The following LRRC1 variants were observed in gnomAD, a reference collection of about 807,000 sequenced individuals.
LRRC1 encodes the protein leucine rich repeat containing 1, also known as leucine-rich repeat-containing protein 1.
In LRRC1, 28 loss-of-function variants were observed where a neutral mutation model predicts 69.9. The ratio of observed to expected loss-of-function variants is 0.40; its 90% CI spans 0.30 to 0.55. LRRC1 has a LOEUF of 0.55. Among genes scored for constraint, LRRC1 ranks in the 20% least tolerant of loss-of-function variants. The pLI is 0.47. For synonymous variants in LRRC1, 236 were observed against 240.2 expected (o/e 0.98, Z 0.16); for missense variants, 498 against 609.0 (o/e 0.82, Z 1.92).
intron 12 of LRRC1, among the ~76,000 whole-genome samples, chr6:53,920,230 A>G (rs892560405): frequency 6.6e-6 from 1 of 152,204 alleles, no homozygotes; most frequent in African/African-American, 2.4e-5. Context: ...TGTGTTACTG[A>G]GGAAAGTACT....
intron 2 of LRRC1, among the ~76,000 whole-genome samples, chr6:53,855,049 G>A (rs957732120): frequency 6.6e-5 from 10 of 152,220 alleles, no homozygotes; most frequent in Admixed American, 2.0e-4. Context: ...CAGACAGAGT[G>A]AAGAAAGAGG....
intron 10 of LRRC1, among the ~76,000 whole-genome samples, chr6:53,906,957 A>T (rs184787795): frequency 2.0e-5 from 3 of 152,328 alleles, no homozygotes; most frequent in Admixed American, 2.0e-4. Context: ...TCTCCCTCGG[A>T]TCACAGTTTG....
At chr6:53,823,384 C>T (rs181307172) in intron 1 of LRRC1, among the ~76,000 whole-genome samples, 44 of 152,270 alleles carry the variant, frequency 2.9e-4, no homozygotes, top group Admixed American at 2.2e-3. Flanking sequence ...TTCTTTTCTC[C>T]TCCTTTCTAA....
intron 1 of LRRC1, among the ~76,000 whole-genome samples, chr6:53,797,142 T>A (rs1268375834): frequency 6.6e-6 from 1 of 151,964 alleles, no homozygotes; most frequent in Non-Finnish European, 1.5e-5. Flanking sequence ...GGAATTCAGC[T>A]TGGCATGGGA....
chr6:53,882,427 A>G (rs1298707423), intron 3 of LRRC1, among the ~76,000 whole-genome samples: 1 of 152,254 alleles, frequency 6.6e-6, no homozygotes, highest in Non-Finnish European at 1.5e-5. Flanking sequence ...TATAAACTAC[A>G]GGAAGAAAAA....
chr6:53,918,410 T>G lies in LRRC1; in HGVS notation c.1107-1088T>G, dbSNP rs561281348. On this transcript the variant is annotated intron_variant, in intron 11 of 13. Transcript: ENST00000370888. ...CAAAATGTATTGTTACTGTAAAAAGTTTGTTAATAATGCATTTGTTGTTAA... is the reference window on the plus strand; with the variant it reads ...CAAAATGTATTGTTACTGTAAAAAGGTTGTTAATAATGCATTTGTTGTTAA... Among the ~76,000 whole-genome samples, 9 of 152,240 alleles carry G rather than the reference T, an allele frequency of 5.9e-5. No individual in the cohort carries two copies. In the South Asian group the frequency reaches 1.0e-3, roughly 18 times the overall value.
chr6:53,851,893 A>G (rs1766149314), intron 2 of LRRC1, among the ~76,000 whole-genome samples: 1 of 152,256 alleles, frequency 6.6e-6, no homozygotes, highest in Admixed American at 6.5e-5. Context: ...ATGGCCACTG[A>G]TAAGTTAATA....
At chr6:53,800,257 T>C (rs866427248) in intron 1 of LRRC1, among the ~76,000 whole-genome samples, 11 of 140,106 alleles carry the variant, frequency 7.9e-5, no homozygotes, top group South Asian at 4.9e-4. Context: ...CTTTTTTTTT[T>C]TTTTTTTTTT....
At chr6:53,845,960 T>C (rs1765930188) in intron 2 of LRRC1, among the ~76,000 whole-genome samples, 1 of 152,202 alleles carries the variant, frequency 6.6e-6, no homozygotes, top group Non-Finnish European at 1.5e-5. Flanking sequence ...ATGTGGAAGA[T>C]AGGAGATCTT....
intron 1 of LRRC1, among the ~76,000 whole-genome samples, chr6:53,837,982 G>A (rs139740135): frequency 6.6e-6 from 1 of 152,286 alleles, no homozygotes; most frequent in East Asian, 1.9e-4. Flanking sequence ...TTGAAGAATG[G>A]TGTCTGTGTG....
At chr6:53,823,495 C>T (rs1424413360) in intron 1 of LRRC1, among the ~76,000 whole-genome samples, 6 of 151,914 alleles carry the variant, frequency 3.9e-5, no homozygotes, top group Non-Finnish European at 7.4e-5. Context: ...ATGTTTTAAC[C>T]TTAATTTTGT....
At chr6:53,809,922 G>A (rs2127405168) in intron 1 of LRRC1, among the ~76,000 whole-genome samples, 1 of 152,364 alleles carries the variant, frequency 6.6e-6, no homozygotes, top group African/African-American at 2.4e-5. Flanking sequence ...CCGTGACTTG[G>A]TCCTGTGGTG....
At chr6:53,833,739 GTATTTGTCTTC>G (rs1463260847) in intron 1 of LRRC1, among the ~76,000 whole-genome samples, 1 of 151,992 alleles carries the variant, frequency 6.6e-6, no homozygotes, top group Non-Finnish European at 1.5e-5. Context: ...TCTCTTTCAT[GTATTTGTCTTC>G]TGGGCAAATA....
intron 11 of LRRC1, 128 bp downstream of exon 11, chr6:53,914,097 C>G: frequency 1.6e-6 from 1 of 640,682 alleles, no homozygotes; most frequent in Non-Finnish European, 2.7e-6. Flanking sequence ...TTCAAATGAC[C>G]TAGGCCTCAG....
chr6:53,909,535 T>C (rs904641923), intron 10 of LRRC1, among the ~76,000 whole-genome samples: 1 of 152,176 alleles, frequency 6.6e-6, no homozygotes, highest in Non-Finnish European at 1.5e-5. Flanking sequence ...TTGATTTTTT[T>C]TCATTGTGCT....
At chr6:53,804,218 C>T (rs544919220) in intron 1 of LRRC1, among the ~76,000 whole-genome samples, 11 of 152,062 alleles carry the variant, frequency 7.2e-5, no homozygotes, top group African/African-American at 2.2e-4. Flanking sequence ...TGATATCATC[C>T]GTTAACAATT....
At chr6:53,872,304 A>T (rs1353863543) in intron 2 of LRRC1, among the ~76,000 whole-genome samples, 1 of 152,050 alleles carries the variant, frequency 6.6e-6, no homozygotes, top group Admixed American at 6.6e-5. Flanking sequence ...AACAGGTGGT[A>T]TTTGGTTACA....
At chr6:53,862,335 G>T (rs555607360) in intron 2 of LRRC1, among the ~76,000 whole-genome samples, 5 of 149,292 alleles carry the variant, frequency 3.3e-5, no homozygotes, top group Admixed American at 1.3e-4. Context: ...GTATGTTTAT[G>T]TATATAGTTT....
chr6:53,843,020 C>T (rs1370469204), intron 2 of LRRC1, among the ~76,000 whole-genome samples: 3 of 152,110 alleles, frequency 2.0e-5, no homozygotes, highest in African/African-American at 7.2e-5. Context: ...CCCAAATGGG[C>T]TGGTACTGCT....
Sources: allele counts gnomAD v4.1 joint callset (sites outside exome capture counted in the v4.1 genomes callset), GRCh38; gene constraint gnomAD v4.1.1; transcripts MANE v1.5; gene names NCBI Gene and HGNC (gene_info 2026-07-23, HGNC 2026-07-21).